LRMDA: variants seen among roughly 807,000 people sequenced by gnomAD.
LRMDA encodes leucine rich melanocyte differentiation associated, also known as leucine-rich melanocyte differentiation-associated protein.
In LRMDA, 18 loss-of-function variants were observed where a neutral mutation model predicts 29.8. The observed-to-expected ratio is 0.60, with a 90% CI of 0.42 to 0.90. The LOEUF (loss-of-function observed/expected upper bound fraction) is 0.90, where lower values mean the gene tolerates loss of function less well. Among genes scored for constraint, LRMDA ranks in the 40% least tolerant of loss-of-function variants. LRMDA has a pLI of 0.00. For synonymous variants in LRMDA, 125 were observed against 109.4 expected, an observed-to-expected ratio of 1.14 and a Z score of -0.89; for missense variants, 273 against 273.9, an observed-to-expected ratio of 1.00 and a Z score of 0.02.
intron 2 of LRMDA, among the ~76,000 whole-genome samples, chr10:75,737,102 T>A (rs1006957626): frequency 6.6e-6 from 1 of 151,570 alleles, no homozygotes; most frequent in Non-Finnish European, 1.5e-5. Flanking sequence ...CACACACACA[T>A]GCACACGCAC....
chr10:75,583,393 G>A (rs1840618591), intron 2 of LRMDA, among the ~76,000 whole-genome samples: 1 of 152,172 alleles, frequency 6.6e-6, no homozygotes, highest in Non-Finnish European at 1.5e-5. Flanking sequence ...ATAGTGCAAG[G>A]CAAAGGAGGA....
chr10:75,528,021 A>G (rs1330270700), intron 2 of LRMDA, among the ~76,000 whole-genome samples: 1 of 151,970 alleles, frequency 6.6e-6, no homozygotes, highest in Non-Finnish European at 1.5e-5. Flanking sequence ...CCTGAGCTCA[A>G]GCAATCTACC....
At chr10:76,356,417 C>T (rs1319287155) in intron 6 of LRMDA, among the ~76,000 whole-genome samples, 2 of 152,182 alleles carry the variant, frequency 1.3e-5, no homozygotes, top group Non-Finnish European at 1.5e-5. Flanking sequence ...GAGACCCCTG[C>T]TTAGTAACCC....
chr10:75,466,634 A>AG (rs1564778256), intron 2 of LRMDA, among the ~76,000 whole-genome samples: 1 of 152,122 alleles, frequency 6.6e-6, no homozygotes, highest in East Asian at 1.9e-4. Context: ...TCCCTCCTGA[A>AG]GGTGCAGGGC....
intron 2 of LRMDA, among the ~76,000 whole-genome samples, chr10:75,722,503 C>A (rs1406172927): frequency 6.6e-6 from 1 of 151,886 alleles, no homozygotes; most frequent in Non-Finnish European, 1.5e-5. Context: ...CTTTCTACTC[C>A]CCAGCAAGTC....
chr10:75,901,365 G>A (rs12256878), intron 2 of LRMDA, among the ~76,000 whole-genome samples: 15,598 of 150,694 alleles, frequency 0.1, 2,125 homozygotes, highest in African/African-American at 0.32. Flanking sequence ...GCATCACTTT[G>A]AACAATCCAT....
At chr10:76,297,179 T>C (rs2573557) in intron 5 of LRMDA, among the ~76,000 whole-genome samples, 125,043 of 152,238 alleles carry the variant, frequency 0.82, 52,000 homozygotes, top group African/African-American at 0.89. Flanking sequence ...AATTGATTGA[T>C]GAGTTCTTAA....
At chr10:75,567,748 A>G (rs1260745026) in intron 2 of LRMDA, among the ~76,000 whole-genome samples, 1 of 152,232 alleles carries the variant, frequency 6.6e-6, no homozygotes, top group Non-Finnish European at 1.5e-5. Context: ...TGGAAAGGGC[A>G]GTTGAATCAG....
chr10:76,291,297 A>G (rs531629417), intron 5 of LRMDA, among the ~76,000 whole-genome samples: 30 of 152,196 alleles, frequency 2.0e-4, no homozygotes, highest in Non-Finnish European at 3.7e-4. Context: ...CAGAGTCACA[A>G]TCATCTGGGA....
At chr10:75,483,867 GT>G (rs548925147) in intron 2 of LRMDA, among the ~76,000 whole-genome samples, 12 of 119,138 alleles carry the variant, frequency 1.0e-4, no homozygotes, top group African/African-American at 2.7e-4. Flanking sequence ...GTATGGAGAG[GT>G]TTTTTTTTTT....
At chr10:75,842,539 A>G (rs1348336476) in intron 2 of LRMDA, among the ~76,000 whole-genome samples, 1 of 152,208 alleles carries the variant, frequency 6.6e-6, no homozygotes, top group African/African-American at 2.4e-5. Context: ...GGTGAAATCA[A>G]TTTAGAGGGT....
chr10:75,608,449 A>G (rs1039205378), intron 2 of LRMDA, among the ~76,000 whole-genome samples: 1 of 152,098 alleles, frequency 6.6e-6, no homozygotes, highest in Admixed American at 6.5e-5. Flanking sequence ...ATACCACTGT[A>G]TACTAGGAAT....
intron 5 of LRMDA, among the ~76,000 whole-genome samples, chr10:76,244,067 G>A (rs2132288386): frequency 6.6e-6 from 1 of 152,260 alleles, no homozygotes; most frequent in Middle Eastern, 3.4e-3. Context: ...GTTGTTTTAA[G>A]CCACCAAGTT....
chr10:76,221,463 T>G (rs1321956696), intron 5 of LRMDA, among the ~76,000 whole-genome samples: 1 of 152,228 alleles, frequency 6.6e-6, no homozygotes, highest in Non-Finnish European at 1.5e-5. Context: ...TCACAAGCAT[T>G]CTTATACACC....
intron 6 of LRMDA, among the ~76,000 whole-genome samples, chr10:76,331,342 T>A (rs1239415647): frequency 1.3e-5 from 2 of 152,036 alleles, no homozygotes; most frequent in African/African-American, 4.8e-5. Context: ...GCCACATAGG[T>A]CTCACCTAAG....
At chr10:75,804,035 G>A (rs775043687) in intron 2 of LRMDA, among the ~76,000 whole-genome samples, 1 of 152,206 alleles carries the variant, frequency 6.6e-6, no homozygotes, top group Non-Finnish European at 1.5e-5. Context: ...GAGATATTTT[G>A]CTGTAATGTT....
rs535419194 is a variant in LRMDA, at chr10:76,337,861, T to C, written c.601+13376T>C. Among the ~76,000 whole-genome samples the C allele has an allele frequency of 1.9e-3, 294 of 152,094 alleles. 1 individual carries two copies. Among genetic ancestry groups the C allele is most frequent in the Middle Eastern group, 6.8e-3 (2 of 294 alleles). On this transcript the variant is annotated intron_variant, in intron 6 of 6. Transcript: ENST00000611255. ...GTGGAAAGTCCCAGTTAGAAGTTAG[T>C]TAGTGGTTTCTTGTTGGTTAAGCTT...
At chr10:76,059,242 C>G (rs1278558678) in intron 5 of LRMDA, among the ~76,000 whole-genome samples, 2 of 152,138 alleles carry the variant, frequency 1.3e-5, no homozygotes, top group Admixed American at 6.5e-5. Context: ...TCTGAGATAT[C>G]GTTAGTGTGG....
chr10:75,587,247 GA>G (rs1481146704), intron 2 of LRMDA, among the ~76,000 whole-genome samples: 1 of 152,160 alleles, frequency 6.6e-6, no homozygotes, highest in Admixed American at 6.5e-5. Flanking sequence ...AGGCTAAACA[GA>G]AATTTACATT....
Sources: gnomAD v4.1 joint callset for allele counts (sites outside exome capture counted in the v4.1 genomes callset) on GRCh38, gnomAD v4.1.1 for gene constraint, MANE v1.5 for transcripts, NCBI Gene and HGNC (gene_info 2026-07-23, HGNC 2026-07-21) for gene names.